Variants in HMOX2 observed in about 807,000 individuals in gnomAD.
HMOX2 encodes the protein heme oxygenase (decycling) 2.
In HMOX2, 30 loss-of-function variants were observed where a neutral mutation model predicts 33.7. The observed-to-expected ratio is 0.89, with a 90% CI of 0.67 to 1.21. HMOX2 has a LOEUF of 1.21. HMOX2 is among the 50% of genes most tolerant of loss of function. The pLI, the probability that HMOX2 is intolerant of heterozygous loss-of-function variation, is 0.00. For missense variants in HMOX2, 403 were observed against 399.1 expected (o/e 1.01, Z -0.08); for synonymous variants, 155 against 155.0 (o/e 1.00, Z 0.00).
In HMOX2 at chr16:4,505,560, C is replaced by T. The variant is rs146113635; in HGVS notation, c.36C>T (p.Asp12=). The T allele has an allele frequency of 2.2e-5, 35 of 1,606,320 alleles. No homozygotes were observed. The highest frequency in any genetic ancestry group is 3.4e-5 in the Admixed American group (2 of 59,082). Residue 12 remains aspartate (D), a synonymous_variant, in exon 2 of 6, where the codon GAC becomes GAT. Coordinates refer to ENST00000570646, the MANE Select transcript of HMOX2 (RefSeq NM_002134.4). The part of the protein sequence containing the change: ...SAEVETSEGV[D]ESEKKNSGAL... ...AAGTGGAAACCTCAGAGGGGGTAGA[C>T]GAGTCAGAAAAAAAGAACTCTGGGG...
intron 2 of HMOX2, 82 bp downstream of exon 2, chr16:4,505,692 AG>A: frequency 9.9e-7 from 1 of 1,012,126 alleles, no homozygotes; most frequent in Non-Finnish European, 1.5e-6. Context: ...GTCTGTTGGC[AG>A]CACTGGGGAG....
intron 1 of HMOX2, among the ~76,000 whole-genome samples, chr16:4,478,699 A>G (rs1251529298): frequency 1.3e-5 from 2 of 151,806 alleles, no homozygotes; most frequent in African/African-American, 4.8e-5. Context: ...TGGGAGGCAG[A>G]GGTTGCGATG....
Position 4,510,001 on chromosome 16 carries a change from C to T in HMOX2, c.*245C>T, listed in dbSNP as rs558554425. ...GGCACAGTGCAGCAAGCCTGGCCCCCGACCCAGCTCTACTCCAGGCTTCCA... is the reference window on the plus strand; with the variant it reads ...GGCACAGTGCAGCAAGCCTGGCCCCTGACCCAGCTCTACTCCAGGCTTCCA... On this transcript the variant is annotated 3_prime_UTR_variant, in exon 6 of 6. Transcript: ENST00000570646. 1.3e-5 allele frequency: 7 copies of T among 534,838 alleles called. No individual in the cohort carries two copies. Among genetic ancestry groups the T allele is most frequent in the Admixed American group, 1.3e-4 (4 of 31,102 alleles). 33.1% of individuals were successfully genotyped at this position (534,838 alleles called of 1,614,324 possible).
In HMOX2 at chr16:4,502,523, A is replaced by G. The variant is rs114987597; in HGVS notation, c.-41-2961A>G. 9.9e-3 allele frequency among the ~76,000 whole-genome samples: 1,501 copies of G among 152,096 alleles called. 23 individuals carry two copies. Among genetic ancestry groups the G allele is most frequent in the African/African-American group, 0.035 (1,440 of 41,490 alleles). On this transcript the variant is annotated intron_variant, in intron 1 of 5. Coordinates refer to ENST00000570646, the MANE Select transcript of HMOX2 (RefSeq NM_002134.4). ...CTCAGCCTGGTGTGTGTGTGCCCTC[A>G]GCCTGGTCCTTTACTTCCATCACCC...
At chr16:4,504,723 CTT>C (rs1027316696) in intron 1 of HMOX2, among the ~76,000 whole-genome samples, 2 of 107,228 alleles carry the variant, frequency 1.9e-5, no homozygotes, top group African/African-American at 7.5e-5. Context: ...CAGTTTCGCT[CTT>C]GTTGCCCAGG....
intron 2 of HMOX2, among the ~76,000 whole-genome samples, chr16:4,506,039 AT>A (rs1388559922): frequency 3.3e-5 from 5 of 152,122 alleles, no homozygotes; most frequent in African/African-American, 1.2e-4. Context: ...CCTGTTCTGC[AT>A]CATTAGCCTC....
chr16:4,498,098 G>C (rs1392603481), intron 1 of HMOX2, among the ~76,000 whole-genome samples: 1 of 109,942 alleles, frequency 9.1e-6, no homozygotes, highest in Non-Finnish European at 1.7e-5. Flanking sequence ...ACACAGTCTT[G>C]CTCTGTTGTG....
At chr16:4,502,144 C>T (rs2058574839) in intron 1 of HMOX2, among the ~76,000 whole-genome samples, 1 of 152,076 alleles carries the variant, frequency 6.6e-6, no homozygotes, top group Non-Finnish European at 1.5e-5. Context: ...AGGCTGGTCT[C>T]GAACTGCTGA....
In HMOX2 at chr16:4,493,598, A is replaced by G. The variant is rs7199029; in HGVS notation, c.-41-11886A>G. Among the ~76,000 whole-genome samples, 963 of 152,304 alleles carry G rather than the reference A, an allele frequency of 6.3e-3. 8 individuals carry two copies. Among genetic ancestry groups the G allele is most frequent in the Middle Eastern group, 0.031 (9 of 294 alleles). On this transcript the variant is annotated intron_variant, in intron 1 of 5. Transcript: ENST00000570646. ...TGTGCCTTTCTACAGCCTGTGCCTTAACCACATCTATGTGCTGCCTCTTGG... is the reference window on the plus strand; with the variant it reads ...TGTGCCTTTCTACAGCCTGTGCCTTGACCACATCTATGTGCTGCCTCTTGG...
Position 4,479,724 on chromosome 16 carries a change from C to G in HMOX2, c.-42+3237C>G, listed in dbSNP as rs767334445. On this transcript the variant is annotated intron_variant, in intron 1 of 5. Coordinates refer to ENST00000570646, the MANE Select transcript of HMOX2 (RefSeq NM_002134.4). ...GTACCCAGCCTGCCTTTTTCTTATT[C>G]TATTTTTTTTTTTTTTTTTTTTTTT... Among the ~76,000 whole-genome samples the G allele has an allele frequency of 6.8e-3, 634 of 93,868 alleles. 8 individuals are homozygous for G. Among genetic ancestry groups the G allele is most frequent in the African/African-American group, 0.026 (595 of 22,854 alleles). The allele number at this position is 93,868 out of a possible 152,430, so 61.6% of individuals were successfully genotyped here. A position where few individuals can be genotyped will look rare whatever the true frequency, so the allele number is the denominator to read the frequency against.
At chr16:4,508,709 C>T (rs771870115) in intron 4 of HMOX2, among the ~76,000 whole-genome samples, 15 of 152,164 alleles carry the variant, frequency 9.9e-5, no homozygotes, top group Non-Finnish European at 7.4e-5. Flanking sequence ...ATGAGTATGC[C>T]CTGCCACAGT....
At chr16:4,492,735 A>G (rs1327450724) in intron 1 of HMOX2, among the ~76,000 whole-genome samples, 2 of 151,100 alleles carry the variant, frequency 1.3e-5, no homozygotes, top group Non-Finnish European at 2.9e-5. Flanking sequence ...AAACAACAAC[A>G]ACAACAAAAA....
Position 4,509,725 on chromosome 16 carries a change from C to T in HMOX2, c.920C>T (p.Ala307Val). ...ATCCTGGCCGCTGGTGTGGCCCTAG[C>T]TGCTGGACTCTTGGCCTGGTACTAC... ...QFILAAGVAL[A>V]AGLLAWYYM The change falls in exon 6 of 6, where the codon GCT becomes GTT. Residue 307 changes from alanine to valine, a missense_variant. By Grantham distance (64) the Ala-to-Val change is moderately conservative. Coordinates refer to ENST00000570646, the MANE Select transcript of HMOX2 (RefSeq NM_002134.4). The T allele has an allele frequency of 6.2e-7, 1 of 1,613,744 alleles. No individual in the cohort carries two copies. The highest frequency in any genetic ancestry group is 1.1e-5 in the South Asian group (1 of 91,060).
At position 4,507,952 on chromosome 16, in the gene HMOX2, A is replaced by AT; in HGVS notation, c.444_445insT (p.Leu149SerfsTer42). The AT allele has an allele frequency of 6.2e-7, 1 of 1,613,870 alleles. No homozygotes were observed. The highest frequency in any genetic ancestry group is 1.1e-5 in the South Asian group (1 of 91,072). On this transcript the variant is annotated frameshift_variant, in exon 4 of 6. Transcript: ENST00000570646. LOFTEE classifies it high-confidence loss of function. Reference sequence around the variant, plus strand: ...ACATAGGGCAGAACGAGCCGGAGCTACTGGTGGCCCATGCATACACCCGCT... The same window carrying AT: ...ACATAGGGCAGAACGAGCCGGAGCTATCTGGTGGCCCATGCATACACCCGCT...
intron 4 of HMOX2, among the ~76,000 whole-genome samples, chr16:4,508,574 A>G (rs2058753141): frequency 6.6e-6 from 1 of 152,188 alleles, no homozygotes; most frequent in South Asian, 2.1e-4. Flanking sequence ...ATAGAGAGCC[A>G]GTGCCACCAA....
At chr16:4,488,983 GC>G (rs781060195) in intron 1 of HMOX2, among the ~76,000 whole-genome samples, 11 of 151,978 alleles carry the variant, frequency 7.2e-5, no homozygotes, top group African/African-American at 2.2e-4. Flanking sequence ...GTGCCACCAC[GC>G]CCAGCTAATT....
At chr16:4,483,046 A>T (rs1359568103) in intron 1 of HMOX2, among the ~76,000 whole-genome samples, 1 of 152,032 alleles carries the variant, frequency 6.6e-6, no homozygotes, top group South Asian at 2.1e-4. Flanking sequence ...GATACAGATG[A>T]ATAGCCAGAT....
At chr16:4,488,723 A>C (rs1459765504) in intron 1 of HMOX2, 1 of 152,698 alleles carries the variant, frequency 6.5e-6, no homozygotes. Context: ...ATATTTTTTC[A>C]CAGATGTAGA....
upstream of HMOX2, chr16:4,476,123 T>A (rs979273343): frequency 1.3e-5 from 2 of 152,094 alleles, no homozygotes; most frequent in African/African-American, 2.4e-5. Flanking sequence ...CATCACTGAG[T>A]GGATGTACAA....
Sources: allele counts gnomAD v4.1 joint callset (sites outside exome capture counted in the v4.1 genomes callset), GRCh38; gene constraint gnomAD v4.1.1; transcripts MANE v1.5; gene names NCBI Gene and HGNC (gene_info 2026-07-23, HGNC 2026-07-21).